The following ITGA11 variants were observed in gnomAD, a reference collection of about 807,000 sequenced individuals.
The protein encoded by ITGA11 is integrin alpha-11.
In ITGA11, 97 loss-of-function variants were observed where a neutral mutation model predicts 141.9. The observed-to-expected ratio is 0.68, with a 90% CI of 0.58 to 0.81. ITGA11 has a LOEUF of 0.81. Among genes scored for constraint, ITGA11 ranks in the 30% least tolerant of loss-of-function variants. The pLI is 0.00. For synonymous variants in ITGA11, 658 were observed against 624.6 expected (o/e 1.05, Z -0.80); for missense variants, 1,387 against 1,559.2 (o/e 0.89, Z 1.86).
At position 68,303,810 on chromosome 15, in the gene ITGA11, G is replaced by A; in HGVS notation, c.3457C>T (p.Leu1153Phe). The A allele has an allele frequency of 1.2e-6, 2 of 1,613,038 alleles. No individual in the cohort carries two copies. The highest frequency in any genetic ancestry group is 1.7e-6 in the Non-Finnish European group (2 of 1,179,340). ...WIIVGSTLGG[L>F]LLLALLVLAL... ...AGGACCAGCAGGGCCAGCAGTAGGA[G>A]GCCCCCCAGGGTGCTGCCTACAATG... Residue 1153 changes from leucine to phenylalanine, a missense_variant, in exon 29 of 30, where the codon CTC becomes TTC. Physicochemically the swap from Leu to Phe is conservative, Grantham distance 22. Coordinates refer to ENST00000315757, the MANE Select transcript of ITGA11 (RefSeq NM_001004439.2). The surrounding 1 kb of genome is among the most constrained non-coding windows in gnomAD (Gnocchi z 5.3).
At chr15:68,421,318 C>G (rs908574450) in intron 1 of ITGA11, among the ~76,000 whole-genome samples, 5 of 152,076 alleles carry the variant, frequency 3.3e-5, no homozygotes, top group Non-Finnish European at 5.9e-5. Context: ...AAGAACAGCC[C>G]GGAGGCCCCA....
At position 68,316,420 on chromosome 15, in the gene ITGA11, C is replaced by T. The variant is rs1279436611; in HGVS notation, c.2716-693G>A. ...GATGCGCTCCCTGGTCTCACCCTCACGAGGTTTCCCAGGAGACCTCAGCGG... is the reference window on the plus strand; with the variant it reads ...GATGCGCTCCCTGGTCTCACCCTCATGAGGTTTCCCAGGAGACCTCAGCGG... On this transcript the variant is annotated intron_variant, in intron 21 of 29. Coordinates refer to ENST00000315757, the MANE Select transcript of ITGA11 (RefSeq NM_001004439.2). Among the ~76,000 whole-genome samples, 6 of 152,250 alleles carry T rather than the reference C, an allele frequency of 3.9e-5. No homozygotes were observed. In the South Asian group the frequency reaches 6.2e-4, roughly 16 times the overall value.
chr15:68,399,270 G>C (rs764462001), intron 2 of ITGA11, among the ~76,000 whole-genome samples: 3 of 152,048 alleles, frequency 2.0e-5, no homozygotes, highest in Non-Finnish European at 2.9e-5. Context: ...GCCACAGTGA[G>C]CTATCATCTC....
intron 20 of ITGA11, 102 bp downstream of exon 20, chr15:68,320,083 T>G: frequency 1.0e-6 from 1 of 994,306 alleles, no homozygotes; most frequent in Non-Finnish European, 1.5e-6. Flanking sequence ...AGCCACTGCA[T>G]CCAGCTTTCT....
At chr15:68,409,250 A>C (rs547693718) in intron 1 of ITGA11, among the ~76,000 whole-genome samples, 7 of 151,566 alleles carry the variant, frequency 4.6e-5, no homozygotes, top group Non-Finnish European at 1.0e-4. Flanking sequence ...TAGCTCTGTC[A>C]CTCCCTGCCT....
At position 68,328,100 on chromosome 15, in the gene ITGA11, AGTT is replaced by A; in HGVS notation, c.2061_2063del (p.Thr688del). On this transcript the variant is annotated inframe_deletion, in exon 16 of 30. Transcript: ENST00000315757. The surrounding 1 kb of genome is among the most constrained non-coding windows in gnomAD (Gnocchi z 4.8). ...GAAAGGAGGGGCCTGCTTTACCAAC[AGTT>A]GTTGTTTGGAAATGGGGTGCCAGGA... 6.2e-7 allele frequency: 1 copy of A among 1,613,276 alleles called. No homozygotes were observed. Among genetic ancestry groups the A allele is most frequent in the Non-Finnish European group, 8.5e-7 (1 of 1,179,636 alleles).
chr15:68,402,726 T>C (rs900971041), intron 2 of ITGA11, among the ~76,000 whole-genome samples, 192 bp downstream of exon 2: 4 of 152,160 alleles, frequency 2.6e-5, no homozygotes, highest in African/African-American at 7.2e-5. Flanking sequence ...GCTTGAGAAA[T>C]TGAACATTCA....
intron 2 of ITGA11, among the ~76,000 whole-genome samples, chr15:68,386,641 A>G (rs1297535149): frequency 1.3e-5 from 2 of 152,182 alleles, no homozygotes; most frequent in Non-Finnish European, 2.9e-5. Context: ...TCAGTTCTGC[A>G]GGGGGCAGCC....
In ITGA11 at chr15:68,374,202, C is replaced by T. The variant is rs911331803; in HGVS notation, c.165-4918G>A. Among the ~76,000 whole-genome samples the T allele has an allele frequency of 1.4e-4, 22 of 152,188 alleles. 2 individuals carry two copies. Among genetic ancestry groups the T allele is most frequent in the Non-Finnish European group, 2.9e-5 (2 of 68,028 alleles). ...CTGAGTAAGTGGTGGGTGGAATCAC[C>T]AGCACCATGTATATTATTTCTCTCT... On this transcript the variant is annotated intron_variant, in intron 2 of 29. Transcript: ENST00000315757.
chr15:68,407,740 C>CA (rs1382454877), intron 1 of ITGA11, among the ~76,000 whole-genome samples: 3 of 151,914 alleles, frequency 2.0e-5, no homozygotes, highest in Admixed American at 6.6e-5. Flanking sequence ...GTGTGTCTTT[C>CA]AAAAAAAGCA....
intron 2 of ITGA11, among the ~76,000 whole-genome samples, chr15:68,382,760 T>G (rs191636842): frequency 5.3e-5 from 8 of 152,236 alleles, no homozygotes; most frequent in Non-Finnish European, 7.3e-5. Context: ...TCTCTTTCCA[T>G]GTCTGTCTAC....
chr15:68,379,762 T>A (rs1177874807), intron 2 of ITGA11, among the ~76,000 whole-genome samples: 1 of 152,174 alleles, frequency 6.6e-6, no homozygotes, highest in Admixed American at 6.5e-5. Flanking sequence ...TGCTCAGAGG[T>A]TTTTTTCTTT....
chr15:68,386,896 TGA>T (rs1895997982), intron 2 of ITGA11, among the ~76,000 whole-genome samples: 2 of 152,048 alleles, frequency 1.3e-5, no homozygotes, highest in African/African-American at 4.8e-5. Context: ...TGGCAGCTGC[TGA>T]GAGAAGCAGG....
Position 68,303,783 on chromosome 15 carries a change from C to G in ITGA11, c.3484G>C (p.Ala1162Pro). Residue 1162 changes from alanine (A) to proline (P), a missense_variant, in exon 29 of 30, where the codon GCA becomes CCA. Ala to Pro is a conservative substitution (Grantham distance 27, BLOSUM62 -1). Transcript: ENST00000315757. This position sits in a 1 kb window ranked among gnomAD's most constrained non-coding sequence, Gnocchi z 5.3. ...GLLLLALLVL[A>P]LWKLGFFRSA... Reference sequence around the variant, plus strand: ...GCCAGGGCCCTCACCTTCCACAGTGCCAGGACCAGCAGGGCCAGCAGTAGG... The same window carrying G: ...GCCAGGGCCCTCACCTTCCACAGTGGCAGGACCAGCAGGGCCAGCAGTAGG... 1.9e-6 allele frequency: 3 copies of G among 1,610,408 alleles called. No homozygotes were observed. In the South Asian group the frequency reaches 3.3e-5, roughly 18 times the overall value.
intron 3 of ITGA11, 96 bp downstream of exon 3, chr15:68,369,088 G>A: frequency 2.4e-6 from 2 of 827,074 alleles, no homozygotes; most frequent in East Asian, 4.9e-5. Flanking sequence ...TAGCAGGAAG[G>A]AGTCAGTGTG....
rs779288673 is a variant in ITGA11, at chr15:68,331,975, G to A, written c.1654C>T (p.Leu552Phe). Residue 552 changes from leucine (L) to phenylalanine (F), a missense_variant, in exon 14 of 30, where the codon CTC (leucine) becomes TTC (phenylalanine). Coordinates refer to ENST00000315757, the MANE Select transcript of ITGA11 (RefSeq NM_001004439.2). ...ACGTCATTGTAGGAATCCTGGTTGAGGTCTCGAACTGAGGCAATGGAGGAC... is the reference window on the plus strand; with the variant it reads ...ACGTCATTGTAGGAATCCTGGTTGAAGTCTCGAACTGAGGCAATGGAGGAC... ...FGSSIASVRD[L>F]NQDSYNDVVV... The A allele has an allele frequency of 6.2e-6, 10 of 1,613,156 alleles. No homozygotes were observed. Among genetic ancestry groups the A allele is most frequent in the Admixed American group, 3.3e-5 (2 of 59,918 alleles).
At chr15:68,312,192 A>C (rs1595851881) in intron 24 of ITGA11, among the ~76,000 whole-genome samples, 1 of 152,360 alleles carries the variant, frequency 6.6e-6, no homozygotes. Flanking sequence ...AACCGAGACA[A>C]AAGGCCACAT....
intron 3 of ITGA11, among the ~76,000 whole-genome samples, chr15:68,367,727 C>G (rs570304392): frequency 6.6e-6 from 1 of 152,270 alleles, no homozygotes; most frequent in Admixed American, 6.5e-5. Flanking sequence ...ATTAAAGGTT[C>G]GGAAACAGAT....
chr15:68,392,086 T>A (rs183180676), intron 2 of ITGA11, among the ~76,000 whole-genome samples: 32 of 152,334 alleles, frequency 2.1e-4, no homozygotes, highest in African/African-American at 7.2e-4. Context: ...GGAAGTAAGA[T>A]AATGATACAG....
Sources: allele counts gnomAD v4.1 joint callset (sites outside exome capture counted in the v4.1 genomes callset), GRCh38; gene constraint gnomAD v4.1.1; non-coding constraint Gnocchi (gnomAD v3.1); transcripts MANE v1.5; gene names NCBI Gene and HGNC (gene_info 2026-07-23, HGNC 2026-07-21).